The following GABPB1 variants were observed in gnomAD, a reference collection of about 807,000 sequenced individuals.
GABPB1 encodes the protein GA binding protein transcription factor subunit beta 1.
In GABPB1, 15 loss-of-function variants were observed where a neutral mutation model predicts 45.9. The observed-to-expected ratio is 0.33, with a 90% CI of 0.22 to 0.50. GABPB1 has a LOEUF of 0.50. Ranked by LOEUF, GABPB1 falls within the 20% of genes least tolerant of loss-of-function variation. The pLI is 0.98. For synonymous variants in GABPB1, 143 were observed against 154.4 expected (o/e 0.93, Z 0.55); for missense variants, 252 against 457.5 (o/e 0.55, Z 4.10).
At chr15:50,296,129 G>T (rs1264696384) in intron 6 of GABPB1, among the ~76,000 whole-genome samples, 2 of 152,070 alleles carry the variant, frequency 1.3e-5, no homozygotes, top group Admixed American at 1.3e-4. Context: ...TTTATATATA[G>T]GACCATGCCA....
At chr15:50,319,946 G>A (rs1046462732) in intron 1 of GABPB1, among the ~76,000 whole-genome samples, 1 of 152,156 alleles carries the variant, frequency 6.6e-6, no homozygotes, top group South Asian at 2.1e-4. Flanking sequence ...GTTCTCAGAA[G>A]TAACCACTAT....
intron 1 of GABPB1, among the ~76,000 whole-genome samples, chr15:50,315,512 T>C (rs948885251): frequency 5.3e-5 from 8 of 152,154 alleles, no homozygotes; most frequent in South Asian, 4.1e-4. Flanking sequence ...GCTAATAAGA[T>C]TGAAATCAAT....
intron 1 of GABPB1, among the ~76,000 whole-genome samples, chr15:50,322,618 T>A (rs946393280): frequency 2.4e-4 from 37 of 152,350 alleles, no homozygotes; most frequent in African/African-American, 8.7e-4. Flanking sequence ...GAAATGTGGC[T>A]AGTCCAAATT....
chr15:50,295,996 G>T (rs2046497212), intron 6 of GABPB1, among the ~76,000 whole-genome samples: 1 of 152,108 alleles, frequency 6.6e-6, no homozygotes, highest in Non-Finnish European at 1.5e-5. Flanking sequence ...TGTCAAAAAT[G>T]GTACTAACGT....
At chr15:50,301,906 A>G (rs2046764470) in intron 4 of GABPB1, among the ~76,000 whole-genome samples, 1 of 152,170 alleles carries the variant, frequency 6.6e-6, no homozygotes, top group African/African-American at 2.4e-5. Context: ...CCCATCTTCA[A>G]CTCCAACCCC....
At chr15:50,285,178 G>A (rs926190201) in intron 8 of GABPB1, among the ~76,000 whole-genome samples, 2 of 152,012 alleles carry the variant, frequency 1.3e-5, no homozygotes, top group Admixed American at 1.3e-4. Flanking sequence ...CTACAAACAC[G>A]TATCAGATAT....
rs1379039041 is a variant in GABPB1, at chr15:50,285,892, ATATT to A, written c.999+172_999+175del. On this transcript the variant is annotated intron_variant, in intron 8 of 8. Coordinates refer to ENST00000380877, the MANE Select transcript of GABPB1 (RefSeq NM_016654.5). ...CTTCACTCACTCATTCATTCATTCA[ATATT>A]TATTTATTGAGGGCTTGCTATATGT... The A allele has an allele frequency of 3.7e-6, 5 of 1,364,154 alleles. No homozygotes were observed. In the African/African-American group the frequency reaches 7.5e-5, roughly 20 times the overall value. 84.5% of individuals were successfully genotyped at this position (1,364,154 alleles called of 1,614,324 possible).
chr15:50,282,376 T>G (rs1210180872), intron 8 of GABPB1: 1 of 430,722 alleles, frequency 2.3e-6, no homozygotes, highest in African/African-American at 2.1e-5. Context: ...CTGGGCAACA[T>G]AGCAAGACAC....
At chr15:50,327,142 C>T (rs2047797935) in intron 1 of GABPB1, 1 of 152,152 alleles carries the variant, frequency 6.6e-6, no homozygotes, top group Admixed American at 6.5e-5. Flanking sequence ...TAGAACTCTA[C>T]TGGAATTAGC....
intron 8 of GABPB1, among the ~76,000 whole-genome samples, chr15:50,284,140 C>A (rs374133348): frequency 1.3e-5 from 2 of 152,124 alleles, no homozygotes; most frequent in African/African-American, 4.8e-5. Flanking sequence ...AAGTCTCCCC[C>A]CAAGATAACC....
At chr15:50,299,302 A>G (rs1320686568) in intron 6 of GABPB1, among the ~76,000 whole-genome samples, 2 of 152,248 alleles carry the variant, frequency 1.3e-5, no homozygotes, top group African/African-American at 4.8e-5. Flanking sequence ...TACCGACATA[A>G]TAATTACATC....
chr15:50,317,941 T>C (rs1427306783), intron 1 of GABPB1, among the ~76,000 whole-genome samples: 1 of 151,828 alleles, frequency 6.6e-6, no homozygotes, highest in African/African-American at 2.4e-5. Flanking sequence ...ATTGAAAGCA[T>C]TTTTCATAGT....
chr15:50,307,694 T>C, intron 2 of GABPB1, among the ~76,000 whole-genome samples: 1 of 118,988 alleles, frequency 8.4e-6, no homozygotes, highest in Admixed American at 9.7e-5. Context: ...AGTGTGAGAC[T>C]CCATCTCAAA....
chr15:50,338,720 CGG>C (rs2141149022), intron 1 of GABPB1, among the ~76,000 whole-genome samples: 1 of 151,696 alleles, frequency 6.6e-6, no homozygotes, highest in East Asian at 2.0e-4. Context: ...GTGATCCACC[CGG>C]GCCTTGAAAA....
chr15:50,326,509 A>T (rs1053942036), intron 1 of GABPB1, among the ~76,000 whole-genome samples: 1 of 151,998 alleles, frequency 6.6e-6, no homozygotes, highest in African/African-American at 2.4e-5. Flanking sequence ...CAATAAAAAA[A>T]CAATTAGCTG....
Position 50,337,099 on chromosome 15 carries a change from A to G in GABPB1, c.-1+17886T>C, listed in dbSNP as rs1444069420. Among the ~76,000 whole-genome samples, 27 of 4,922 alleles carry G rather than the reference A, an allele frequency of 5.5e-3. 1 individual carries two copies. The highest frequency in any genetic ancestry group is 0.048 in the Admixed American group (22 of 456). The allele number at this position is 4,922 out of a possible 152,430, so 3.2% of individuals were successfully genotyped here. A position where few individuals can be genotyped will look rare whatever the true frequency, so the allele number is the denominator to read the frequency against. ...TGTATATATATATATATATATATAT[A>G]TATATATATATATATATATATATAT... On this transcript the variant is annotated intron_variant, in intron 1 of 8. Transcript: ENST00000380877.
At chr15:50,345,102 C>CT (rs2048516092) in intron 1 of GABPB1, among the ~76,000 whole-genome samples, 1 of 152,000 alleles carries the variant, frequency 6.6e-6, no homozygotes. Context: ...ACTGATGAGA[C>CT]TAACAGTGCT....
chr15:50,314,214 C>T (rs938954871), intron 1 of GABPB1, among the ~76,000 whole-genome samples: 7 of 149,934 alleles, frequency 4.7e-5, no homozygotes, highest in African/African-American at 1.5e-4. Flanking sequence ...GACGGAGTCT[C>T]GCTCTGTTGC....
intron 1 of GABPB1, among the ~76,000 whole-genome samples, chr15:50,346,663 C>T (rs1044112051): frequency 1.3e-5 from 2 of 149,166 alleles, no homozygotes; most frequent in African/African-American, 5.0e-5. Context: ...CCTCACCCAG[C>T]CCAGGAGGCT....
Sources: gnomAD v4.1 joint callset for allele counts (sites outside exome capture counted in the v4.1 genomes callset) on GRCh38, gnomAD v4.1.1 for gene constraint, MANE v1.5 for transcripts, NCBI Gene and HGNC (gene_info 2026-07-23, HGNC 2026-07-21) for gene names.